SHISA9: variants seen among roughly 807,000 people sequenced by gnomAD.
The protein encoded by SHISA9 is shisa family member 9.
In SHISA9, 13 loss-of-function variants were observed where a neutral mutation model predicts 38.0. The observed-to-expected ratio is 0.34, with a 90% CI of 0.22 to 0.54. The LOEUF is 0.54. Among genes scored for constraint, SHISA9 ranks in the 20% least tolerant of loss-of-function variants. SHISA9 has a pLI of 0.91. For missense variants in SHISA9, 538 were observed against 575.8 expected, an observed-to-expected ratio of 0.93 and a Z score of 0.67; for synonymous variants, 275 against 242.0, an observed-to-expected ratio of 1.14 and a Z score of -1.27.
intron 2 of SHISA9, among the ~76,000 whole-genome samples, chr16:13,196,483 C>T (rs1372229924): frequency 1.3e-5 from 2 of 150,906 alleles, no homozygotes; most frequent in South Asian, 2.1e-4. Context: ...GTCATCAAAA[C>T]AGGGAAAGTC....
chr16:13,015,346 A>G (rs572049446), intron 2 of SHISA9, among the ~76,000 whole-genome samples: 1 of 152,370 alleles, frequency 6.6e-6, no homozygotes, highest in Admixed American at 6.5e-5. Context: ...TAATGAATAC[A>G]TAATCTTTTA....
the SHISA9 span, among the ~76,000 whole-genome samples, chr16:13,312,756 A>G: frequency 6.6e-6 from 1 of 152,210 alleles, no homozygotes; most frequent in Admixed American, 6.5e-5. Flanking sequence ...CTCTCAACAG[A>G]TTTCCATCCT....
At chr16:13,489,701 T>C in the SHISA9 span, among the ~76,000 whole-genome samples, 1 of 152,236 alleles carries the variant, frequency 6.6e-6, no homozygotes, top group Non-Finnish European at 1.5e-5. Flanking sequence ...CAATTAAACC[T>C]GTTTCCTTTA....
At chr16:13,222,979 G>T (rs1050417865) in intron 4 of SHISA9, among the ~76,000 whole-genome samples, 3 of 152,236 alleles carry the variant, frequency 2.0e-5, no homozygotes, top group Admixed American at 1.3e-4. Flanking sequence ...TCCTCTACAC[G>T]ATTCTCTTCA....
intron 2 of SHISA9, among the ~76,000 whole-genome samples, chr16:13,155,398 A>G (rs754896605): frequency 6.6e-6 from 1 of 152,200 alleles, no homozygotes; most frequent in South Asian, 2.1e-4. Context: ...CTTTTCTTCT[A>G]GGGTCCTACC....
At chr16:13,555,763 T>A in the SHISA9 span, among the ~76,000 whole-genome samples, 1 of 152,138 alleles carries the variant, frequency 6.6e-6, no homozygotes, top group Non-Finnish European at 1.5e-5. Context: ...CTGAGGCCCT[T>A]TGTCCCACGT....
the SHISA9 span, among the ~76,000 whole-genome samples, chr16:13,382,903 C>T: frequency 1.3e-5 from 2 of 152,080 alleles, no homozygotes; most frequent in Admixed American, 6.6e-5. Flanking sequence ...TGTTATAACA[C>T]TTTTTTTGAT....
At chr16:12,902,693 C>T in intron 1 of SHISA9, 66 bp downstream of exon 1, 1 of 1,413,522 alleles carries the variant, frequency 7.1e-7, no homozygotes, top group Non-Finnish European at 9.4e-7. Flanking sequence ...TCCCCACCTT[C>T]CCCCAGGCAA....
the SHISA9 span, among the ~76,000 whole-genome samples, chr16:13,498,921 T>G: frequency 6.6e-6 from 1 of 152,214 alleles, no homozygotes; most frequent in East Asian, 1.9e-4. Context: ...ATCTGGCCTG[T>G]CCTGCCTTCT....
chr16:13,015,853 C>CCTTTCTTTGTTTCTTTCTTT lies in SHISA9; in HGVS notation c.691+99046_691+99047insGTTTCTTTCTTTCTTTCTTT, dbSNP rs1555454797. Among the ~76,000 whole-genome samples, 234 of 98,622 alleles carry CCTTTCTTTGTTTCTTTCTTT rather than the reference C, an allele frequency of 2.4e-3. 4 individuals are homozygous for CCTTTCTTTGTTTCTTTCTTT. Among genetic ancestry groups the CCTTTCTTTGTTTCTTTCTTT allele is most frequent in the Non-Finnish European group, 3.0e-3 (143 of 47,236 alleles). The allele number at this position is 98,622 out of a possible 152,430, so 64.7% of individuals were successfully genotyped here. On this transcript the variant is annotated intron_variant, in intron 2 of 4. Transcript: ENST00000558583. Reference sequence around the variant, plus strand: ...TCTCTCTCTTTTCTTTCTTTCTTTCCCTTTCTTTCTTTCTTTCTTTCTTTC... The same window carrying CCTTTCTTTGTTTCTTTCTTT: ...TCTCTCTCTTTTCTTTCTTTCTTTCCCTTTCTTTGTTTCTTTCTTTCTTTCTTTCTTTCTTTCTTTCTTTC...
the SHISA9 span, among the ~76,000 whole-genome samples, chr16:13,429,848 C>G: frequency 6.6e-6 from 1 of 152,120 alleles, no homozygotes; most frequent in African/African-American, 2.4e-5. Context: ...TAAACAATAG[C>G]GACAATGTCC....
the SHISA9 span, among the ~76,000 whole-genome samples, chr16:13,253,053 G>C: frequency 6.6e-6 from 1 of 152,010 alleles, no homozygotes; most frequent in Non-Finnish European, 1.5e-5. Context: ...TTAATAAATA[G>C]GAAATATATT....
At chr16:13,056,269 A>G (rs754060639) in intron 2 of SHISA9, among the ~76,000 whole-genome samples, 2 of 152,238 alleles carry the variant, frequency 1.3e-5, no homozygotes, top group Non-Finnish European at 2.9e-5. Context: ...CTGGGGGTGT[A>G]TACTTGAATC....
chr16:13,051,120 T>C (rs2073246228), intron 2 of SHISA9, among the ~76,000 whole-genome samples: 2 of 152,210 alleles, frequency 1.3e-5, no homozygotes, highest in South Asian at 4.1e-4. Flanking sequence ...GTTCTCACAC[T>C]GCTAATAAAG....
intron 2 of SHISA9, among the ~76,000 whole-genome samples, chr16:13,095,593 C>G (rs1359655435): frequency 6.6e-6 from 1 of 152,218 alleles, no homozygotes. Flanking sequence ...GGACTACAGT[C>G]CAGACCATCT....
At chr16:13,319,768 G>C in the SHISA9 span, among the ~76,000 whole-genome samples, 1 of 151,320 alleles carries the variant, frequency 6.6e-6, no homozygotes, top group Non-Finnish European at 1.5e-5. Context: ...GGCCTTTCCA[G>C]GGTGTACAGT....
chr16:13,378,404 C>T, the SHISA9 span, among the ~76,000 whole-genome samples: 1 of 152,184 alleles, frequency 6.6e-6, no homozygotes, highest in African/African-American at 2.4e-5. Context: ...TACTAGAGTG[C>T]CTGCCCACTG....
At chr16:13,117,957 G>A (rs939977967) in intron 2 of SHISA9, among the ~76,000 whole-genome samples, 20 of 152,042 alleles carry the variant, frequency 1.3e-4, no homozygotes, top group African/African-American at 3.6e-4. Context: ...TGAGGTGGGC[G>A]GATCGCCTGA....
chr16:13,527,481 A>T, the SHISA9 span, among the ~76,000 whole-genome samples: 1 of 152,236 alleles, frequency 6.6e-6, no homozygotes, highest in Non-Finnish European at 1.5e-5. Flanking sequence ...AAGAGATAGG[A>T]GAAAGTGAGA....
Sources: gnomAD v4.1 joint callset for allele counts (sites outside exome capture counted in the v4.1 genomes callset) on GRCh38, gnomAD v4.1.1 for gene constraint, MANE v1.5 for transcripts, NCBI Gene and HGNC (gene_info 2026-07-23, HGNC 2026-07-21) for gene names.